Variants in UNC5D observed in about 807,000 individuals in gnomAD.
The protein encoded by UNC5D is netrin receptor UNC5D.
In UNC5D, 39 loss-of-function variants were observed where a neutral mutation model predicts 105.4. The ratio of observed to expected loss-of-function variants is 0.37; its 90% CI spans 0.29 to 0.48. The LOEUF is 0.48. UNC5D is among the 20% of genes least tolerant of loss of function. UNC5D has a pLI of 0.98. For synonymous variants in UNC5D, 452 were observed against 450.4 expected, an observed-to-expected ratio of 1.00 and a Z score of -0.04; for missense variants, 991 against 1,202.4, an observed-to-expected ratio of 0.82 and a Z score of 2.60.
chr8:35,379,403 C>G (rs1204280606), intron 1 of UNC5D, among the ~76,000 whole-genome samples: 5 of 152,176 alleles, frequency 3.3e-5, no homozygotes, highest in Non-Finnish European at 7.3e-5. Flanking sequence ...AGTTGGAGAT[C>G]TGAACATCAT....
chr8:35,426,160 T>A (rs1218883127), intron 1 of UNC5D, among the ~76,000 whole-genome samples: 1 of 152,096 alleles, frequency 6.6e-6, no homozygotes, highest in African/African-American at 2.4e-5. Flanking sequence ...TGTTTGACAA[T>A]AAGACGTGGA....
intron 8 of UNC5D, among the ~76,000 whole-genome samples, chr8:35,710,935 T>A (rs1228219487): frequency 9.4e-6 from 1 of 106,392 alleles, no homozygotes; most frequent in Non-Finnish European, 1.7e-5. Context: ...AGCATTATTC[T>A]TTTTTTTTTT....
At chr8:35,572,837 T>C (rs1817831844) in intron 3 of UNC5D, among the ~76,000 whole-genome samples, 1 of 149,886 alleles carries the variant, frequency 6.7e-6, no homozygotes, top group Non-Finnish European at 1.5e-5. Flanking sequence ...GGAGTCTCTC[T>C]CTGTCGCCCA....
At chr8:35,775,371 A>T (rs1802197875) in intron 16 of UNC5D, among the ~76,000 whole-genome samples, 1 of 152,226 alleles carries the variant, frequency 6.6e-6, no homozygotes, top group African/African-American at 2.4e-5. Context: ...TTGAGAGTAG[A>T]ATAGAGAGAT....
chr8:35,610,016 AGTGTTAT>A lies in UNC5D; in HGVS notation c.570+14361_570+14367del, dbSNP rs1255423948. Among the ~76,000 whole-genome samples, 4 of 152,306 alleles carry A rather than the reference AGTGTTAT, an allele frequency of 2.6e-5. No homozygotes were observed. The East Asian group carries it at 5.8e-4, about 22-fold the overall frequency. On this transcript the variant is annotated intron_variant, in intron 4 of 16. Coordinates refer to ENST00000404895, the MANE Select transcript of UNC5D (RefSeq NM_080872.4). ...ACTAACTCATTTATCTGACCAGAAA[AGTGTTAT>A]GAATAATAAAAATAGAAAGAGCTAC... is the stretch of plus-strand genomic sequence containing the variant.
At chr8:35,428,801 ACAC>A (rs1330938444) in intron 1 of UNC5D, among the ~76,000 whole-genome samples, 25 of 152,130 alleles carry the variant, frequency 1.6e-4, no homozygotes, top group Admixed American at 9.2e-4. Context: ...AGATATGAAA[ACAC>A]CACCAACCAA....
intron 4 of UNC5D, among the ~76,000 whole-genome samples, chr8:35,601,804 C>T (rs1442062467): frequency 6.6e-6 from 1 of 152,140 alleles, no homozygotes; most frequent in Non-Finnish European, 1.5e-5. Flanking sequence ...CTTCTCCTGC[C>T]TGATTGCCCT....
intron 11 of UNC5D, among the ~76,000 whole-genome samples, chr8:35,736,035 G>A (rs899751780): frequency 6.6e-6 from 1 of 152,012 alleles, no homozygotes; most frequent in African/African-American, 2.4e-5. Context: ...AGACATTTGT[G>A]GCTATTCTAA....
At chr8:35,563,057 A>G (rs1475201671) in intron 2 of UNC5D, among the ~76,000 whole-genome samples, 2 of 151,930 alleles carry the variant, frequency 1.3e-5, no homozygotes, top group African/African-American at 2.4e-5. Flanking sequence ...TGAAGATACT[A>G]TCCTTTCGTC....
At chr8:35,430,574 G>A (rs1806558921) in intron 1 of UNC5D, among the ~76,000 whole-genome samples, 1 of 152,056 alleles carries the variant, frequency 6.6e-6, no homozygotes, top group Non-Finnish European at 1.5e-5. Context: ...GCAGTCTTAT[G>A]GGACTGAGTC....
intron 1 of UNC5D, among the ~76,000 whole-genome samples, chr8:35,307,559 G>C (rs1195230175): frequency 2.0e-5 from 3 of 152,180 alleles, no homozygotes; most frequent in Admixed American, 6.6e-5. Flanking sequence ...GCTCAAGAAA[G>C]AGTTAGCAGG....
chr8:35,695,710 ATTATTTATTTAT>A (rs59029374), intron 7 of UNC5D, among the ~76,000 whole-genome samples: 4,228 of 146,388 alleles, frequency 0.029, 145 homozygotes, highest in African/African-American at 0.086. Context: ...GTATTTTTAT[ATTATTTATTTAT>A]TTATTTATTT....
intron 1 of UNC5D, among the ~76,000 whole-genome samples, chr8:35,455,679 CAAAA>C (rs925356142): frequency 2.8e-5 from 4 of 144,684 alleles, no homozygotes; most frequent in Non-Finnish European, 6.1e-5. Context: ...AAAAAAAAAA[CAAAA>C]AAAAACAAAG....
At chr8:35,687,358 C>T (rs954312560) in intron 7 of UNC5D, among the ~76,000 whole-genome samples, 3 of 150,848 alleles carry the variant, frequency 2.0e-5, no homozygotes, top group Non-Finnish European at 2.9e-5. Flanking sequence ...AGGAGAATGC[C>T]GTGAACCCAG....
At chr8:35,265,883 A>G (rs1585447251) in intron 1 of UNC5D, among the ~76,000 whole-genome samples, 2 of 149,402 alleles carry the variant, frequency 1.3e-5, no homozygotes, top group East Asian at 3.9e-4. Context: ...TAATAATAAT[A>G]ATAATAATAA....
chr8:35,381,537 C>T (rs573539532), intron 1 of UNC5D, among the ~76,000 whole-genome samples: 9 of 152,162 alleles, frequency 5.9e-5, no homozygotes, highest in East Asian at 3.9e-4. Context: ...AGCTGTGGGC[C>T]GTGATTATGT....
chr8:35,583,770 A>G (rs1182759267), intron 3 of UNC5D, among the ~76,000 whole-genome samples: 1 of 152,194 alleles, frequency 6.6e-6, no homozygotes, highest in Non-Finnish European at 1.5e-5. Flanking sequence ...GAAGATTGTT[A>G]ATATCTCCTA....
chr8:35,668,394 C>G (rs1824568715), intron 4 of UNC5D, among the ~76,000 whole-genome samples: 1 of 152,098 alleles, frequency 6.6e-6, no homozygotes, highest in Non-Finnish European at 1.5e-5. Context: ...TATAACGACA[C>G]TTTGTCATGC....
intron 4 of UNC5D, among the ~76,000 whole-genome samples, chr8:35,658,096 G>A (rs997635173): frequency 6.6e-6 from 1 of 152,078 alleles, no homozygotes; most frequent in Non-Finnish European, 1.5e-5. Flanking sequence ...AACAGAATTC[G>A]TATTTTCCTA....
Sources: gnomAD v4.1 joint callset for allele counts (sites outside exome capture counted in the v4.1 genomes callset) on GRCh38, gnomAD v4.1.1 for gene constraint, MANE v1.5 for transcripts, NCBI Gene and HGNC (gene_info 2026-07-23, HGNC 2026-07-21) for gene names.